Variants in TADA2A observed in about 807,000 individuals in gnomAD.
TADA2A encodes transcriptional adapter 2-alpha.
A neutral mutation model predicts 67.4 loss-of-function variants in TADA2A; 38 were observed. That is an observed-to-expected ratio of 0.56 (90% CI 0.44 to 0.74). The LOEUF (loss-of-function observed/expected upper bound fraction) is 0.74. TADA2A is among the 30% of genes least tolerant of loss of function. TADA2A has a pLI of 0.00. For missense variants in TADA2A, 454 were observed against 547.0 expected, an observed-to-expected ratio of 0.83 and a Z score of 1.70; for synonymous variants, 192 against 181.6, an observed-to-expected ratio of 1.06 and a Z score of -0.46.
At chr17:37,428,052 A>G (rs1204505145) in intron 4 of TADA2A, among the ~76,000 whole-genome samples, 2 of 152,164 alleles carry the variant, frequency 1.3e-5, no homozygotes. Flanking sequence ...TACTTCAAGC[A>G]GTTTTCTGAC....
intron 7 of TADA2A, among the ~76,000 whole-genome samples, chr17:37,444,259 CAAA>C (rs5820215): frequency 7.6e-6 from 1 of 132,072 alleles, no homozygotes. Flanking sequence ...ACCCTGTTTC[CAAA>C]AAAAAAAAAA....
chr17:37,474,067 A>G (rs928447964), intron 14 of TADA2A, among the ~76,000 whole-genome samples: 2 of 152,178 alleles, frequency 1.3e-5, no homozygotes, highest in Admixed American at 1.3e-4. Flanking sequence ...AGAGTCTCCT[A>G]CATGGTTAGG....
intron 4 of TADA2A, among the ~76,000 whole-genome samples, chr17:37,430,301 T>TC (rs979396508): frequency 2.0e-5 from 3 of 152,210 alleles, no homozygotes; most frequent in Non-Finnish European, 4.4e-5. Context: ...TACTAATACT[T>TC]CCTTTTTGTG....
In TADA2A at chr17:37,418,614, G is replaced by A. The variant is rs144888190; in HGVS notation, c.26-4895G>A. 5.6e-3 allele frequency among the ~76,000 whole-genome samples: 839 copies of A among 150,262 alleles called. 6 individuals carry two copies. The highest frequency in any genetic ancestry group is 0.018 in the African/African-American group (720 of 40,862). On this transcript the variant is annotated intron_variant, in intron 2 of 15. Coordinates refer to ENST00000615182, the MANE Select transcript of TADA2A (RefSeq NM_001166105.3). ...TCTTTTTCTTTTTTTTTTTTGAGACGGAGTTTCGCTGTTGTCACCCAGGCT... is the reference window on the plus strand; with the variant it reads ...TCTTTTTCTTTTTTTTTTTTGAGACAGAGTTTCGCTGTTGTCACCCAGGCT...
At chr17:37,407,698 C>T (rs897867553) in intron 1 of TADA2A, among the ~76,000 whole-genome samples, 3 of 152,074 alleles carry the variant, frequency 2.0e-5, no homozygotes, top group Non-Finnish European at 4.4e-5. Flanking sequence ...CTGCAATCTC[C>T]GCCTCCCAGG....
rs115765578 is a variant in TADA2A at position 37,458,446 on chromosome 17, A to T, written c.605-78A>T. 1.7e-3 allele frequency: 1,717 copies of T among 1,033,898 alleles called. 6 individuals carry two copies. The African/African-American group carries it at 0.019, about 11-fold the overall frequency. 64.0% of individuals were successfully genotyped at this position (1,033,898 alleles called of 1,614,324 possible). A position where few individuals can be genotyped will look rare whatever the true frequency, so the allele number is the denominator to read the frequency against. ...GGTTCAAAGTTTGGGTAAAAGATTT[A>T]TTTTTGTCTTGGTTTTATTTATTTA... On this transcript the variant is annotated intron_variant, in intron 8 of 15. Coordinates refer to ENST00000615182, the MANE Select transcript of TADA2A (RefSeq NM_001166105.3).
At chr17:37,422,059 T>C (rs2052251872) in intron 2 of TADA2A, among the ~76,000 whole-genome samples, 1 of 143,566 alleles carries the variant, frequency 7.0e-6, no homozygotes, top group African/African-American at 2.5e-5. Flanking sequence ...TTTTGTTTTT[T>C]TTTTGAGACA....
At chr17:37,407,042 T>G (rs1416366304) in intron 1 of TADA2A, 93 bp downstream of exon 1, 3 of 136,702 alleles carry the variant, frequency 2.2e-5, no homozygotes, top group Non-Finnish European at 4.8e-5. Flanking sequence ...GGCCACGAGG[T>G]GCGGCGGGGG....
intron 9 of TADA2A, among the ~76,000 whole-genome samples, chr17:37,459,691 C>T (rs1815048329): frequency 1.3e-5 from 2 of 151,716 alleles, no homozygotes; most frequent in Admixed American, 6.6e-5. Context: ...CTCCTGGGCT[C>T]AAACAATCCT....
In TADA2A at chr17:37,415,112, T is replaced by C. The variant is rs1226731863; in HGVS notation, c.25+3722T>C. Among the ~76,000 whole-genome samples the C allele has an allele frequency of 4.5e-3, 671 of 150,546 alleles. 9 individuals carry two copies. Among genetic ancestry groups the C allele is most frequent in the African/African-American group, 0.016 (643 of 39,978 alleles). ...GGCCAGGCTGGTCTTGAACTCCTGA[T>C]CTCAGGTGATCCACCCGCCTTGGCC... On this transcript the variant is annotated intron_variant, in intron 2 of 15. Transcript: ENST00000615182.
intron 2 of TADA2A, among the ~76,000 whole-genome samples, chr17:37,423,064 C>T (rs966700292): frequency 1.8e-4 from 28 of 152,236 alleles, no homozygotes; most frequent in Non-Finnish European, 4.0e-4. Flanking sequence ...CATGGTGAGA[C>T]ATCGTCTCTA....
chr17:37,448,183 G>T (rs972160831), intron 8 of TADA2A, among the ~76,000 whole-genome samples: 3 of 152,106 alleles, frequency 2.0e-5, no homozygotes, highest in Admixed American at 2.0e-4. Context: ...GCTGGGTTTT[G>T]TATTTAGAAC....
intron 4 of TADA2A, among the ~76,000 whole-genome samples, chr17:37,433,130 GGAAATA>G (rs2052621360): frequency 2.0e-5 from 3 of 150,734 alleles, no homozygotes; most frequent in Middle Eastern, 3.4e-3. Context: ...AAAAATATAG[GGAAATA>G]GAAATAGAGT....
chr17:37,418,185 A>G (rs1013920900), intron 2 of TADA2A, among the ~76,000 whole-genome samples: 2 of 152,352 alleles, frequency 1.3e-5, no homozygotes, highest in East Asian at 1.9e-4. Flanking sequence ...AAAATTCTCA[A>G]AAATACTTTG....
At chr17:37,436,022 G>C (rs535255203) in intron 4 of TADA2A, among the ~76,000 whole-genome samples, 4 of 151,978 alleles carry the variant, frequency 2.6e-5, no homozygotes, top group Admixed American at 6.6e-5. Flanking sequence ...GGCCAACTAC[G>C]AGGTTTTTAC....
chr17:37,422,915 A>T (rs1029052648), intron 2 of TADA2A, among the ~76,000 whole-genome samples: 3 of 152,170 alleles, frequency 2.0e-5, no homozygotes, highest in Admixed American at 2.0e-4. Flanking sequence ...TGGAAAAATA[A>T]GTTTGGGATA....
chr17:37,476,530 C>T (rs2053895436), intron 15 of TADA2A, among the ~76,000 whole-genome samples: 1 of 152,112 alleles, frequency 6.6e-6, no homozygotes, highest in South Asian at 2.1e-4. Flanking sequence ...GTTGTAAATC[C>T]CTAACAAACC....
At chr17:37,463,905 A>G (rs1341073235) in intron 10 of TADA2A, among the ~76,000 whole-genome samples, 2 of 152,078 alleles carry the variant, frequency 1.3e-5, no homozygotes, top group African/African-American at 4.8e-5. Flanking sequence ...GTGAGCCAAG[A>G]TCGTGCTACT....
chr17:37,408,852 A>G (rs577013508), intron 1 of TADA2A, among the ~76,000 whole-genome samples: 1 of 152,310 alleles, frequency 6.6e-6, no homozygotes, highest in East Asian at 1.9e-4. Flanking sequence ...CAAAAAGGGA[A>G]AGTTCTTTGA....
Sources: gnomAD v4.1 joint callset for allele counts (sites outside exome capture counted in the v4.1 genomes callset) on GRCh38, gnomAD v4.1.1 for gene constraint, MANE v1.5 for transcripts, NCBI Gene and HGNC (gene_info 2026-07-23, HGNC 2026-07-21) for gene names.